The following CDK14 variants were observed in gnomAD, a reference collection of about 807,000 sequenced individuals.
CDK14 encodes the protein cyclin-dependent kinase 14.
A neutral mutation model predicts 60.7 loss-of-function variants in CDK14; 34 were observed. The ratio of observed to expected loss-of-function variants is 0.56; its 90% CI spans 0.43 to 0.75. The LOEUF (loss-of-function observed/expected upper bound fraction) is 0.75, where lower values mean the gene tolerates loss of function less well. Among genes scored for constraint, CDK14 ranks in the 30% least tolerant of loss-of-function variants. The pLI is 0.00. For synonymous variants in CDK14, 197 were observed against 203.7 expected (o/e 0.97, Z 0.28); for missense variants, 482 against 564.1 (o/e 0.85, Z 1.47).
chr7:91,204,276 C>G (rs781516042), intron 14 of CDK14, among the ~76,000 whole-genome samples: 1 of 152,022 alleles, frequency 6.6e-6, no homozygotes, highest in Non-Finnish European at 1.5e-5. Context: ...AAACTTCACT[C>G]AAAATGGACC....
At chr7:90,704,078 G>A (rs1801844829) in intron 2 of CDK14, among the ~76,000 whole-genome samples, 1 of 152,176 alleles carries the variant, frequency 6.6e-6, no homozygotes, top group Non-Finnish European at 1.5e-5. Flanking sequence ...GGGCAACAGA[G>A]TGAGACCCTG....
At chr7:90,782,024 C>T (rs532515563) in intron 4 of CDK14, among the ~76,000 whole-genome samples, 141 of 152,250 alleles carry the variant, frequency 9.3e-4, no homozygotes, top group Admixed American at 3.5e-3. Context: ...GCCATTTTCA[C>T]GATATTGATT....
rs200847936 is a variant in CDK14 at position 90,713,658 on chromosome 7, AAG to A, written c.124-12903_124-12902del. ...TTTTTTTTTTTTCATCAGGAGAGAT[AAG>A]AGAGAATGGAGAGAAATGGAGAGAA... On this transcript the variant is annotated intron_variant, in intron 2 of 14. Transcript: ENST00000380050. Among the ~76,000 whole-genome samples the A allele has an allele frequency of 4.7e-3, 700 of 149,050 alleles. 3 individuals are homozygous for A. The highest frequency in any genetic ancestry group is 0.016 in the African/African-American group (630 of 40,358).
At chr7:90,820,006 G>C (rs118146944) in intron 5 of CDK14, among the ~76,000 whole-genome samples, 2,327 of 152,196 alleles carry the variant, frequency 0.015, 21 homozygotes, top group Middle Eastern at 0.027. Context: ...TCTTTCTGTA[G>C]TTTCATTATG....
intron 10 of CDK14, among the ~76,000 whole-genome samples, chr7:91,010,650 T>C (rs780404427): frequency 2.0e-4 from 30 of 152,084 alleles, no homozygotes; most frequent in Admixed American, 5.2e-4. Flanking sequence ...GTAGATTACA[T>C]AGATATTCTA....
chr7:90,649,360 CCTTCCTTT>C (rs1197110595), intron 2 of CDK14, among the ~76,000 whole-genome samples: 3 of 36,908 alleles, frequency 8.1e-5, no homozygotes, highest in Non-Finnish European at 1.3e-4. Context: ...TTCCTTCCTT[CCTTCCTTT>C]CCTTCCTTCC....
chr7:90,653,727 G>T (rs566701395), intron 2 of CDK14, among the ~76,000 whole-genome samples: 1 of 152,160 alleles, frequency 6.6e-6, no homozygotes, highest in South Asian at 2.1e-4. Flanking sequence ...GTGCAGGTTT[G>T]TTACATATGT....
intron 5 of CDK14, among the ~76,000 whole-genome samples, chr7:90,859,225 G>A (rs945359603): frequency 2.6e-5 from 4 of 152,110 alleles, no homozygotes; most frequent in Non-Finnish European, 1.5e-5. Flanking sequence ...TTATCAGACT[G>A]CCTTCTTTTG....
At chr7:90,895,285 T>G in intron 6 of CDK14, among the ~76,000 whole-genome samples, 1 of 149,184 alleles carries the variant, frequency 6.7e-6, no homozygotes, top group East Asian at 2.0e-4. Flanking sequence ...CTTCACAATT[T>G]TAGTTGTCAC....
At chr7:91,016,719 G>A (rs1000264749) in intron 10 of CDK14, among the ~76,000 whole-genome samples, 1 of 152,166 alleles carries the variant, frequency 6.6e-6, no homozygotes, top group Non-Finnish European at 1.5e-5. Context: ...TGTATGCTAG[G>A]TAGTTTTTAT....
intron 8 of CDK14, among the ~76,000 whole-genome samples, chr7:90,938,576 T>C (rs1038745792): frequency 2.0e-5 from 3 of 152,172 alleles, no homozygotes; most frequent in African/African-American, 7.2e-5. Context: ...AGTCAATAAT[T>C]TTTTTTAAAA....
At chr7:90,978,133 G>T (rs577837460) in intron 9 of CDK14, among the ~76,000 whole-genome samples, 2 of 152,142 alleles carry the variant, frequency 1.3e-5, no homozygotes, top group South Asian at 2.1e-4. Context: ...ACAACAATCC[G>T]TGCAGAGATC....
At chr7:90,683,897 CGTGTGTGTGTGT>C (rs35197919) in intron 2 of CDK14, among the ~76,000 whole-genome samples, 2,295 of 145,756 alleles carry the variant, frequency 0.016, 20 homozygotes, top group Middle Eastern at 0.028. Flanking sequence ...AGAAAATGTA[CGTGTGTGTGTGT>C]GTGTGTGTGT....
At chr7:91,060,361 C>T (rs1267764714) in intron 11 of CDK14, among the ~76,000 whole-genome samples, 2 of 151,918 alleles carry the variant, frequency 1.3e-5, no homozygotes, top group African/African-American at 4.8e-5. Context: ...TCTAATTTGG[C>T]AGTCTGTGTC....
intron 5 of CDK14, among the ~76,000 whole-genome samples, chr7:90,799,244 G>T (rs888934272): frequency 6.6e-6 from 1 of 152,154 alleles, no homozygotes; most frequent in African/African-American, 2.4e-5. Context: ...ACAATATTTG[G>T]TGTGTGCTTG....
At chr7:91,122,636 C>A (rs1799815478) in intron 14 of CDK14, among the ~76,000 whole-genome samples, 1 of 152,216 alleles carries the variant, frequency 6.6e-6, no homozygotes, top group Admixed American at 6.5e-5. Context: ...TCAACTAACA[C>A]AGCTTTCATG....
intron 2 of CDK14, among the ~76,000 whole-genome samples, chr7:90,649,248 C>CTTTCTTTGTTTCTTTGTTTCTTTG (rs1393039883): frequency 0.055 from 1,374 of 25,074 alleles, 196 homozygotes; most frequent in East Asian, 0.13. Context: ...TTCTTTCTTT[C>CTTTCTTTGTTTCTTTGTTTCTTTG]TTTCTTTCTT....
At chr7:90,695,254 A>G (rs1476069477) in intron 2 of CDK14, among the ~76,000 whole-genome samples, 1 of 152,172 alleles carries the variant, frequency 6.6e-6, no homozygotes, top group Non-Finnish European at 1.5e-5. Flanking sequence ...TTATTTGCTC[A>G]GGCTGCTCTT....
intron 14 of CDK14, among the ~76,000 whole-genome samples, chr7:91,180,002 G>C (rs1451174177): frequency 6.6e-6 from 1 of 151,996 alleles, no homozygotes; most frequent in East Asian, 1.9e-4. Context: ...GAGTATTATA[G>C]AGTAATAAAT....
Sources: allele counts gnomAD v4.1 joint callset (sites outside exome capture counted in the v4.1 genomes callset), GRCh38; gene constraint gnomAD v4.1.1; transcripts MANE v1.5; gene names NCBI Gene and HGNC (gene_info 2026-07-23, HGNC 2026-07-21).